Variants in IQGAP3 observed in about 807,000 individuals in gnomAD.
IQGAP3 encodes IQ motif containing GTPase activating protein 3.
In IQGAP3, 165 loss-of-function variants were observed where a neutral mutation model predicts 208.2. The ratio of observed to expected loss-of-function variants is 0.79; its 90% CI spans 0.70 to 0.90. The LOEUF (loss-of-function observed/expected upper bound fraction) is 0.90, where lower values mean the gene tolerates loss of function less well. Among genes scored for constraint, IQGAP3 ranks in the 40% least tolerant of loss-of-function variants. IQGAP3 has a pLI of 0.00. For synonymous variants in IQGAP3, 703 were observed against 803.6 expected (o/e 0.87, Z 2.12); for missense variants, 1,811 against 2,043.1 (o/e 0.89, Z 2.19).
Position 156,532,001 on chromosome 1 carries a change from C to T in IQGAP3, c.4104-754G>A, listed in dbSNP as rs185460927. 2.0e-5 allele frequency among the ~76,000 whole-genome samples: 3 copies of T among 152,286 alleles called. No individual in the cohort carries two copies. In the East Asian group the frequency reaches 5.8e-4, roughly 29 times the overall value. On this transcript the variant is annotated intron_variant, in intron 32 of 37. Transcript: ENST00000361170. ...TTTGGCTCCTCTTCTGCCCAGATGACCAGCTCACCCCTACTGGGAGTCCTC... is the reference window on the plus strand; with the variant it reads ...TTTGGCTCCTCTTCTGCCCAGATGATCAGCTCACCCCTACTGGGAGTCCTC...
rs1220499267 is a variant in IQGAP3 at position 156,569,433 on chromosome 1, T to C, written c.68A>G (p.Glu23Gly). Residue 23 changes from glutamate to glycine, a missense_variant, in exon 2 of 38, where the codon GAG (glutamate) becomes GGG (glycine). Transcript: ENST00000361170. ...ATAGGCAACATTCTGCCGCCTCTGC[T>C]CATCCATCTCCTCAGCTGTGAGGCG... ...YERLTAEEMDEQRRQNVAYQY... is the reference protein window; with the variant it reads ...YERLTAEEMDGQRRQNVAYQY... The C allele has an allele frequency of 1.2e-6, 2 of 1,611,184 alleles. No homozygotes were observed. Among genetic ancestry groups the C allele is most frequent in the Non-Finnish European group, 1.7e-6 (2 of 1,178,688 alleles).
At chr1:156,553,812 G>A (rs773062714) in intron 13 of IQGAP3, among the ~76,000 whole-genome samples, 2 of 152,028 alleles carry the variant, frequency 1.3e-5, no homozygotes, top group Admixed American at 6.6e-5. Flanking sequence ...AACTCCCGAC[G>A]TCAAGTGATC....
intron 13 of IQGAP3, among the ~76,000 whole-genome samples, chr1:156,553,739 G>A (rs1256843095): frequency 6.6e-6 from 1 of 151,842 alleles, no homozygotes. Flanking sequence ...GTGCCACCAC[G>A]CCCGGCTAAT....
chr1:156,549,573 T>G (rs866536385), intron 16 of IQGAP3, among the ~76,000 whole-genome samples: 2 of 151,698 alleles, frequency 1.3e-5, no homozygotes, highest in Non-Finnish European at 2.9e-5. Context: ...GCTTCAGAGG[T>G]TGCAGTGAAT....
Position 156,564,729 on chromosome 1 carries a change from C to G in IQGAP3, c.361-38G>C, listed in dbSNP as rs145160228. 2,708 of 1,460,034 alleles carry G rather than the reference C, an allele frequency of 1.9e-3. 8 individuals are homozygous for G. The highest frequency in any genetic ancestry group is 1.6e-3 in the Admixed American group (95 of 59,832). 90.4% of individuals were successfully genotyped at this position (1,460,034 alleles called of 1,614,324 possible). A position where few individuals can be genotyped will look rare whatever the true frequency, so the allele number is the denominator to read the frequency against. On this transcript the variant is annotated intron_variant, in intron 4 of 37. Coordinates refer to ENST00000361170, the MANE Select transcript of IQGAP3 (RefSeq NM_178229.5). ...CCAGCCAGTTACTGCCATTGGGAACCTTTAAGCACCACCAAATGCGGAGAG... is the reference window on the plus strand; with the variant it reads ...CCAGCCAGTTACTGCCATTGGGAACGTTTAAGCACCACCAAATGCGGAGAG...
chr1:156,534,541 C>A lies in IQGAP3; in HGVS notation c.3700G>T (p.Val1234Phe). 1 of 1,603,248 alleles carries A rather than the reference C, an allele frequency of 6.2e-7. No individual in the cohort carries two copies. Among genetic ancestry groups the A allele is most frequent in the South Asian group, 1.1e-5 (1 of 89,928 alleles). ...GTTTCCTCCAGATAGTCATTCAGGA[C>A]CCGTAGGTGCTGGCTCTGCCCAGAG... The part of the protein sequence containing the change: ...AFSGQSQHLR[V>F]LNDYLEETHL... Residue 1234 changes from valine (V) to phenylalanine (F), a missense_variant, in exon 29 of 38, where the codon GTC becomes TTC. Physicochemically the swap from Val to Phe is conservative, Grantham distance 50 (BLOSUM62 -1). Coordinates refer to ENST00000361170, the MANE Select transcript of IQGAP3 (RefSeq NM_178229.5).
At position 156,529,071 on chromosome 1, in the gene IQGAP3, G is replaced by A; in HGVS notation, c.4416C>T (p.Asn1472=). ...TCCGCCTGTGCCTGTGTCTGTGCTG[G>A]TTGCGGATGTCCTGGGGTTGGGGAA... The part of the protein sequence containing the change: ...LVDELAKDIR[N]QHRHRHRRKA... The change falls in exon 35 of 38, where the codon AAC becomes AAT. Residue 1472 remains asparagine (N), a synonymous_variant. Transcript: ENST00000361170. 6.2e-7 allele frequency: 1 copy of A among 1,614,132 alleles called. No homozygotes were observed. Among genetic ancestry groups the A allele is most frequent in the African/African-American group, 1.3e-5 (1 of 75,070 alleles).
chr1:156,532,085 T>A (rs1674436981), intron 32 of IQGAP3, among the ~76,000 whole-genome samples: 1 of 151,926 alleles, frequency 6.6e-6, no homozygotes, highest in South Asian at 2.1e-4. Context: ...ACCATCACAC[T>A]CAACAAGAAT....
intron 29 of IQGAP3, 95 bp from the exon 30 acceptor site, chr1:156,534,236 T>C: frequency 6.4e-7 from 1 of 1,574,486 alleles, no homozygotes; most frequent in Non-Finnish European, 8.6e-7. Flanking sequence ...CAGTGATTGC[T>C]CAGGCCAATT....
At chr1:156,570,962 A>G (rs7512057) in intron 1 of IQGAP3, among the ~76,000 whole-genome samples, 51,582 of 152,212 alleles carry the variant, frequency 0.34, 9,319 homozygotes, top group East Asian at 0.63. Flanking sequence ...GAACACAGGG[A>G]AAGGCAGTCC....
At chr1:156,540,170 C>T (rs1674908667) in intron 23 of IQGAP3, among the ~76,000 whole-genome samples, 180 bp from the exon 24 acceptor site, 1 of 152,080 alleles carries the variant, frequency 6.6e-6, no homozygotes, top group Non-Finnish European at 1.5e-5. Flanking sequence ...CCCTGAGACT[C>T]CATCTGTTTC....
intron 13 of IQGAP3, among the ~76,000 whole-genome samples, chr1:156,553,753 G>T (rs772024232): frequency 2.0e-4 from 31 of 152,014 alleles, no homozygotes; most frequent in Non-Finnish European, 3.5e-4. Context: ...GGCTAATTTT[G>T]TATTTTTAGT....
chr1:156,534,029 C>G lies in IQGAP3; in HGVS notation c.3853G>C (p.Glu1285Gln), dbSNP rs1418740694. 17 of 1,613,678 alleles carry G rather than the reference C, an allele frequency of 1.1e-5. No homozygotes were observed. Among genetic ancestry groups the G allele is most frequent in the Non-Finnish European group, 1.4e-5 (17 of 1,180,036 alleles). Reference protein sequence around the residue: ...AKPMVYITVGELVNTHRLLLE... With the variant: ...AKPMVYITVGQLVNTHRLLLE... ...CTCACCCTGTGCGTGTTGACCAGCT[C>G]CCCCACGGTGATGTACACCATGGGT... Residue 1285 changes from glutamate to glutamine, a missense_variant, in exon 30 of 38, where the codon GAG (glutamate) becomes CAG (glutamine). Coordinates refer to ENST00000361170, the MANE Select transcript of IQGAP3 (RefSeq NM_178229.5).
intron 7 of IQGAP3, 68 bp downstream of exon 7, chr1:156,563,485 G>T: frequency 4.3e-6 from 6 of 1,407,698 alleles, no homozygotes; most frequent in Non-Finnish European, 5.9e-6. Context: ...CCATCCAATG[G>T]CTGTGAGGCT....
At chr1:156,565,532 A>G (rs1457251002) in intron 4 of IQGAP3, among the ~76,000 whole-genome samples, 2 of 152,240 alleles carry the variant, frequency 1.3e-5, no homozygotes, top group Non-Finnish European at 2.9e-5. Flanking sequence ...GGGAGTTCAC[A>G]CAGACCATGT....
At chr1:156,571,465 G>A (rs751633619) in intron 1 of IQGAP3, among the ~76,000 whole-genome samples, 2 of 151,502 alleles carry the variant, frequency 1.3e-5, no homozygotes, top group Non-Finnish European at 2.9e-5. Flanking sequence ...ACACATGCGT[G>A]CACACACACA....
intron 1 of IQGAP3, among the ~76,000 whole-genome samples, chr1:156,569,694 AT>A (rs1442409648): frequency 1.3e-3 from 200 of 151,610 alleles, no homozygotes; most frequent in African/African-American, 3.6e-3. Context: ...AATTTTTTAT[AT>A]TTTTTAGTAG....
intron 22 of IQGAP3, among the ~76,000 whole-genome samples, chr1:156,542,666 G>A (rs1003837199): frequency 6.6e-6 from 1 of 152,222 alleles, no homozygotes; most frequent in Non-Finnish European, 1.5e-5. Context: ...TTGGCTGGGT[G>A]TGGTGGTTCA....
intron 8 of IQGAP3, 89 bp from the exon 9 acceptor site, chr1:156,562,754 TTC>T: frequency 8.4e-7 from 1 of 1,192,582 alleles, no homozygotes. Context: ...TTATTTCTTC[TTC>T]TGGGGACCTT....
Sources: allele counts gnomAD v4.1 joint callset (sites outside exome capture counted in the v4.1 genomes callset), GRCh38; gene constraint gnomAD v4.1.1; transcripts MANE v1.5; gene names NCBI Gene and HGNC (gene_info 2026-07-23, HGNC 2026-07-21).